LRMDA: variants seen among roughly 807,000 people sequenced by gnomAD.
The protein encoded by LRMDA is leucine-rich melanocyte differentiation-associated protein.
A neutral mutation model predicts 29.8 loss-of-function variants in LRMDA; 18 were observed. That is an observed-to-expected ratio of 0.60 (90% CI 0.42 to 0.90). LRMDA has a LOEUF of 0.90. Ranked by LOEUF, LRMDA falls within the 40% of genes least tolerant of loss-of-function variation. LRMDA has a pLI of 0.00. For synonymous variants in LRMDA, 125 were observed against 109.4 expected (o/e 1.14, Z -0.89); for missense variants, 273 against 273.9 (o/e 1.00, Z 0.02).
At chr10:75,965,711 T>C (rs1355618346) in intron 2 of LRMDA, among the ~76,000 whole-genome samples, 1 of 152,234 alleles carries the variant, frequency 6.6e-6, no homozygotes, top group Non-Finnish European at 1.5e-5. Context: ...TCTTGACTTC[T>C]CTAAAAATAT....
chr10:75,475,471 C>T (rs1445390759), intron 2 of LRMDA, among the ~76,000 whole-genome samples: 4 of 152,188 alleles, frequency 2.6e-5, no homozygotes, highest in Non-Finnish European at 5.9e-5. Context: ...GAACCTGGGA[C>T]TGCTTCCGAG....
chr10:76,333,104 G>T (rs1201538521), intron 6 of LRMDA, among the ~76,000 whole-genome samples: 1 of 152,116 alleles, frequency 6.6e-6, no homozygotes, highest in African/African-American at 2.4e-5. Context: ...AGCAAAAGAA[G>T]GGCATTCCAG....
intron 6 of LRMDA, among the ~76,000 whole-genome samples, chr10:76,507,467 G>T (rs1053868139): frequency 6.6e-6 from 1 of 151,634 alleles, no homozygotes; most frequent in African/African-American, 2.4e-5. Flanking sequence ...AATCCTATTT[G>T]TCTCTGAGTC....
At chr10:76,150,938 A>T (rs1013415880) in intron 5 of LRMDA, among the ~76,000 whole-genome samples, 1 of 152,168 alleles carries the variant, frequency 6.6e-6, no homozygotes, top group South Asian at 2.1e-4. Flanking sequence ...GGGTGGCTTT[A>T]TTTAGCTTTG....
intron 5 of LRMDA, among the ~76,000 whole-genome samples, 162 bp from the exon 6 acceptor site, chr10:76,324,239 A>G (rs534313601): frequency 2.1e-4 from 32 of 152,288 alleles, no homozygotes; most frequent in Admixed American, 2.0e-3. Flanking sequence ...AACACTTACC[A>G]GAATATTATC....
intron 2 of LRMDA, among the ~76,000 whole-genome samples, chr10:75,995,347 A>T (rs1847443981): frequency 6.6e-6 from 1 of 152,170 alleles, no homozygotes; most frequent in African/African-American, 2.4e-5. Flanking sequence ...TGCTTGGTCC[A>T]ACCTCCATCC....
At chr10:75,557,412 C>A (rs1432028517) in intron 2 of LRMDA, among the ~76,000 whole-genome samples, 2 of 151,856 alleles carry the variant, frequency 1.3e-5, no homozygotes, top group African/African-American at 4.8e-5. Context: ...GAAATGAGAC[C>A]AATAAAGCCT....
rs58224987 is a variant in LRMDA at position 75,626,046 on chromosome 10, G to A, written c.131+187552G>A. The stretch of plus-strand genomic sequence containing the variant: ...TTTTTTTTAATTTTAATTTTTAGTA[G>A]AGACGGGGTCTTGCTATGTTGCCCA... On this transcript the variant is annotated intron_variant, in intron 2 of 6. Transcript: ENST00000611255. Among the ~76,000 whole-genome samples the A allele has an allele frequency of 5.7e-3, 858 of 151,552 alleles. 3 individuals carry two copies. Among genetic ancestry groups the A allele is most frequent in the Non-Finnish European group, 8.9e-3 (601 of 67,890 alleles).
chr10:76,549,628 T>C (rs1343349528), intron 6 of LRMDA, among the ~76,000 whole-genome samples: 1 of 152,200 alleles, frequency 6.6e-6, no homozygotes, highest in East Asian at 1.9e-4. Context: ...CACTTGGTAT[T>C]CACCTTTGTC....
At chr10:76,166,869 A>C (rs752750611) in intron 5 of LRMDA, among the ~76,000 whole-genome samples, 7 of 152,058 alleles carry the variant, frequency 4.6e-5, no homozygotes, top group Non-Finnish European at 7.4e-5. Context: ...AAATCACCAC[A>C]CTGCTTTCCA....
At chr10:75,809,121 G>A (rs1385742833) in intron 2 of LRMDA, among the ~76,000 whole-genome samples, 1 of 152,072 alleles carries the variant, frequency 6.6e-6, no homozygotes, top group Non-Finnish European at 1.5e-5. Flanking sequence ...CACCTTCCCT[G>A]CAGGCTTCAT....
chr10:75,452,192 A>G (rs1426310812), intron 2 of LRMDA, among the ~76,000 whole-genome samples: 1 of 151,988 alleles, frequency 6.6e-6, no homozygotes, highest in Non-Finnish European at 1.5e-5. Context: ...ACACTTCAGG[A>G]TTTGCCTGGG....
At position 75,781,452 on chromosome 10, in the gene LRMDA, G is replaced by T. The variant is rs79558025; in HGVS notation, c.132-254556G>T. 5.6e-4 allele frequency among the ~76,000 whole-genome samples: 86 copies of T among 152,242 alleles called. No homozygotes were observed. The East Asian group carries it at 0.016, about 28-fold the overall frequency. The stretch of plus-strand genomic sequence containing the variant: ...ATTATTCACCATGAGAAATATAGAT[G>T]GGAGAAATAAATGAGGAAAAAGATC... On this transcript the variant is annotated intron_variant, in intron 2 of 6. Transcript: ENST00000611255.
intron 6 of LRMDA, among the ~76,000 whole-genome samples, chr10:76,446,236 A>T (rs75313767): frequency 0.018 from 2,789 of 152,282 alleles, 92 homozygotes; most frequent in African/African-American, 0.064. Flanking sequence ...TAACTGCTAT[A>T]CAGTACTCCA....
chr10:75,652,354 C>T (rs1451907118), intron 2 of LRMDA, among the ~76,000 whole-genome samples: 2 of 152,176 alleles, frequency 1.3e-5, no homozygotes, highest in Admixed American at 6.5e-5. Flanking sequence ...GATGTGTAGC[C>T]ATTGTAGGTT....
intron 2 of LRMDA, among the ~76,000 whole-genome samples, chr10:75,829,841 CTTTT>C (rs34025294): frequency 2.2e-5 from 2 of 89,446 alleles, no homozygotes; most frequent in Non-Finnish European, 4.4e-5. Flanking sequence ...GAATAGGCCA[CTTTT>C]TTTTTTTTTT....
intron 6 of LRMDA, among the ~76,000 whole-genome samples, chr10:76,344,446 C>A (rs1841078484): frequency 6.6e-6 from 1 of 152,038 alleles, no homozygotes. Context: ...AACTCAAGAT[C>A]ATAAATATGT....
intron 2 of LRMDA, among the ~76,000 whole-genome samples, chr10:75,840,564 T>C (rs1452619904): frequency 6.6e-6 from 1 of 152,210 alleles, no homozygotes; most frequent in Non-Finnish European, 1.5e-5. Context: ...ACTGTGTGTG[T>C]CTGTGTGTGT....
intron 2 of LRMDA, among the ~76,000 whole-genome samples, chr10:75,659,053 C>G (rs902817358): frequency 3.3e-5 from 5 of 152,156 alleles, no homozygotes; most frequent in Non-Finnish European, 5.9e-5. Flanking sequence ...GCCCCTGGGA[C>G]CAGCTGAGAA....
Sources: allele counts gnomAD v4.1 joint callset (sites outside exome capture counted in the v4.1 genomes callset), GRCh38; gene constraint gnomAD v4.1.1; transcripts MANE v1.5; gene names NCBI Gene and HGNC (gene_info 2026-07-23, HGNC 2026-07-21).